Variants in CSMD1 observed in about 807,000 individuals in gnomAD.
CSMD1 encodes CUB and Sushi multiple domains 1.
In CSMD1, 213 loss-of-function variants were observed where a neutral mutation model predicts 417.5. The observed-to-expected ratio is 0.51, with a 90% CI of 0.46 to 0.57. The LOEUF is 0.57. Among genes scored for constraint, CSMD1 ranks in the 20% least tolerant of loss-of-function variants. CSMD1 has a pLI of 0.00. For missense variants in CSMD1, 6,923 were observed against 4,529.7 expected, an observed-to-expected ratio of 1.53 and a Z score of -15.17; for synonymous variants, 2,862 against 1,736.8, an observed-to-expected ratio of 1.65 and a Z score of -16.11.
At chr8:3,420,548 G>C (rs899097229) in intron 12 of CSMD1, among the ~76,000 whole-genome samples, 1 of 150,310 alleles carries the variant, frequency 6.7e-6, no homozygotes, top group African/African-American at 2.4e-5. Context: ...CTGTGGGGTG[G>C]ACAGAAATGC....
At chr8:4,675,413 G>A (rs865780978) in intron 1 of CSMD1, among the ~76,000 whole-genome samples, 78 of 152,216 alleles carry the variant, frequency 5.1e-4, no homozygotes, top group Admixed American at 1.6e-3. Flanking sequence ...CTGGCTGACT[G>A]TTTTTGTCAT....
At chr8:4,118,333 A>C (rs532555050) in intron 3 of CSMD1, among the ~76,000 whole-genome samples, 2 of 152,268 alleles carry the variant, frequency 1.3e-5, no homozygotes, top group Non-Finnish European at 2.9e-5. Flanking sequence ...TTAAAAATAG[A>C]AGCTTTGCAA....
intron 3 of CSMD1, among the ~76,000 whole-genome samples, chr8:4,184,607 A>C (rs1351227808): frequency 6.6e-6 from 1 of 152,108 alleles, no homozygotes; most frequent in Non-Finnish European, 1.5e-5. Flanking sequence ...AAACTAACAC[A>C]GGAAAAAAAA....
intron 18 of CSMD1, among the ~76,000 whole-genome samples, chr8:3,381,208 A>T (rs1018677488): frequency 8.5e-5 from 13 of 152,134 alleles, no homozygotes; most frequent in African/African-American, 2.7e-4. Flanking sequence ...GACTAAAATG[A>T]CTGCAAGTAA....
intron 5 of CSMD1, among the ~76,000 whole-genome samples, chr8:3,973,399 C>T (rs1011946468): frequency 6.6e-6 from 1 of 152,186 alleles, no homozygotes; most frequent in Non-Finnish European, 1.5e-5. Flanking sequence ...CTGTTGTCAC[C>T]TGTCACACCC....
At chr8:4,689,547 G>A (rs925539337) in intron 1 of CSMD1, among the ~76,000 whole-genome samples, 3 of 152,142 alleles carry the variant, frequency 2.0e-5, no homozygotes, top group African/African-American at 2.4e-5. Flanking sequence ...GGATTATTAA[G>A]AATATTCAAG....
intron 3 of CSMD1, among the ~76,000 whole-genome samples, chr8:4,128,509 C>G (rs1002643854): frequency 6.6e-6 from 1 of 152,168 alleles, no homozygotes; most frequent in African/African-American, 2.4e-5. Context: ...CAAACAAACA[C>G]ATTGCTTACT....
chr8:3,873,413 T>C (rs188328612), intron 5 of CSMD1, among the ~76,000 whole-genome samples: 182 of 152,206 alleles, frequency 1.2e-3, no homozygotes, highest in African/African-American at 4.1e-3. Flanking sequence ...GGCACATGGA[T>C]GGAACTGGAG....
chr8:3,769,313 T>G, intron 5 of CSMD1, among the ~76,000 whole-genome samples: 1 of 152,114 alleles, frequency 6.6e-6, no homozygotes, highest in East Asian at 1.9e-4. Flanking sequence ...TAAAATCATT[T>G]TGAGAAAAAT....
intron 5 of CSMD1, among the ~76,000 whole-genome samples, chr8:3,788,956 T>C (rs1563080709): frequency 6.6e-6 from 1 of 152,220 alleles, no homozygotes; most frequent in Non-Finnish European, 1.5e-5. Context: ...TTGTAGAATT[T>C]AAATGCAGAT....
intron 12 of CSMD1, among the ~76,000 whole-genome samples, chr8:3,449,548 T>C (rs1815554923): frequency 1.3e-5 from 2 of 151,826 alleles, no homozygotes; most frequent in South Asian, 2.1e-4. Context: ...ATGGAGTTTC[T>C]CTCTTGTTGC....
intron 69 of CSMD1, among the ~76,000 whole-genome samples, chr8:2,941,175 G>T (rs1434207334): frequency 6.6e-6 from 1 of 152,078 alleles, no homozygotes; most frequent in Non-Finnish European, 1.5e-5. Context: ...GTTTTTCATT[G>T]AGTCATATTC....
chr8:3,517,869 C>A (rs1420556665), intron 10 of CSMD1, among the ~76,000 whole-genome samples: 1 of 152,134 alleles, frequency 6.6e-6, no homozygotes, highest in Non-Finnish European at 1.5e-5. Context: ...AGGCTTACAA[C>A]CCCATTCTTA....
intron 3 of CSMD1, among the ~76,000 whole-genome samples, chr8:4,134,268 A>G (rs1053071377): frequency 2.0e-5 from 3 of 152,194 alleles, no homozygotes; most frequent in African/African-American, 7.2e-5. Context: ...CCATTGCCAC[A>G]AAATGTGACT....
rs73186949 is a variant in CSMD1 at position 4,587,878 on chromosome 8, C to A, written c.302+49464G>T. 3.1e-3 allele frequency among the ~76,000 whole-genome samples: 471 copies of A among 152,320 alleles called. 1 individual carries two copies. The highest frequency in any genetic ancestry group is 0.014 in the Middle Eastern group (4 of 294). On this transcript the variant is annotated intron_variant, in intron 2 of 69. Coordinates refer to ENST00000635120, the MANE Select transcript of CSMD1 (RefSeq NM_033225.6). ...TATGAAATTTATTGAAATGTAAAAACTGTTGTCCCTTTAAAAACTGAAGTG... is the reference window on the plus strand; with the variant it reads ...TATGAAATTTATTGAAATGTAAAAAATGTTGTCCCTTTAAAAACTGAAGTG...
At chr8:4,563,414 T>A (rs534379718) in intron 2 of CSMD1, among the ~76,000 whole-genome samples, 1 of 151,832 alleles carries the variant, frequency 6.6e-6, no homozygotes, top group Non-Finnish European at 1.5e-5. Context: ...AAAATAATAA[T>A]AACAATAATA....
chr8:3,010,482 G>A (rs1489004710), intron 52 of CSMD1, among the ~76,000 whole-genome samples: 1 of 151,986 alleles, frequency 6.6e-6, no homozygotes, highest in African/African-American at 2.4e-5. Flanking sequence ...GGCGGCCGTC[G>A]AGAGTTCGAC....
chr8:4,274,910 A>T (rs187041857), intron 3 of CSMD1, among the ~76,000 whole-genome samples: 65 of 152,300 alleles, frequency 4.3e-4, no homozygotes, highest in African/African-American at 1.5e-3. Flanking sequence ...CCAGAAGGAA[A>T]TGTTGTGTCT....
At chr8:3,038,494 A>T (rs1167205140) in intron 50 of CSMD1, among the ~76,000 whole-genome samples, 1 of 152,120 alleles carries the variant, frequency 6.6e-6, no homozygotes, top group African/African-American at 2.4e-5. Context: ...TCTCTTTGAA[A>T]AGATTGTTTC....
Sources: allele counts gnomAD v4.1 joint callset (sites outside exome capture counted in the v4.1 genomes callset), GRCh38; gene constraint gnomAD v4.1.1; transcripts MANE v1.5; gene names NCBI Gene and HGNC (gene_info 2026-07-23, HGNC 2026-07-21).